Variants in PPTC7 observed in about 807,000 individuals in gnomAD.
PPTC7 encodes protein phosphatase targeting COQ7.
A neutral mutation model predicts 30.8 loss-of-function variants in PPTC7; 6 were observed. That is an observed-to-expected ratio of 0.19 (90% confidence interval 0.11 to 0.38). The LOEUF (loss-of-function observed/expected upper bound fraction) is 0.38. Ranked by LOEUF, PPTC7 falls within the 10% of genes least tolerant of loss-of-function variation. The pLI is 1.00. For synonymous variants in PPTC7, 163 were observed against 168.1 expected, an observed-to-expected ratio of 0.97 and a Z score of 0.23; for missense variants, 218 against 404.8, an observed-to-expected ratio of 0.54 and a Z score of 3.96.
intron 1 of PPTC7, among the ~76,000 whole-genome samples, chr12:110,566,947 C>T (rs2064489209): frequency 6.6e-6 from 1 of 152,178 alleles, no homozygotes; most frequent in African/African-American, 2.4e-5. Flanking sequence ...CTGAAGTAAC[C>T]TTACTTAGCA....
chr12:110,569,804 A>G (rs1047235379), intron 1 of PPTC7, among the ~76,000 whole-genome samples: 1 of 152,222 alleles, frequency 6.6e-6, no homozygotes, highest in African/African-American at 2.4e-5. Flanking sequence ...TGCCACATGT[A>G]TATTTCCAGT....
In PPTC7 at chr12:110,553,131, C is replaced by T. The variant is rs552853742; in HGVS notation, c.224-1163G>A. 4.1e-5 allele frequency among the ~76,000 whole-genome samples: 6 copies of T among 147,344 alleles called. No individual in the cohort carries two copies. The South Asian group carries it at 7.2e-4, about 18-fold the overall frequency. On this transcript the variant is annotated intron_variant, in intron 1 of 5. Coordinates refer to ENST00000354300, the MANE Select transcript of PPTC7 (RefSeq NM_139283.2). The stretch of plus-strand genomic sequence containing the variant: ...CTGGGAAGTGGAGGTTGCGGTGAGC[C>T]GAGATCGCGCCATTGCATCCCACCC...
At chr12:110,579,857 A>G (rs377179317) in intron 1 of PPTC7, among the ~76,000 whole-genome samples, 5 of 152,082 alleles carry the variant, frequency 3.3e-5, no homozygotes, top group Non-Finnish European at 7.4e-5. Context: ...TACTAAAAAT[A>G]CAAAAATTAG....
intron 1 of PPTC7, among the ~76,000 whole-genome samples, chr12:110,559,829 C>T (rs1433618673): frequency 6.6e-6 from 1 of 151,998 alleles, no homozygotes; most frequent in African/African-American, 2.4e-5. Context: ...AACTCCTGAG[C>T]TCAAGAGATT....
chr12:110,556,834 T>C (rs1050331872), intron 1 of PPTC7, among the ~76,000 whole-genome samples: 7 of 152,210 alleles, frequency 4.6e-5, no homozygotes, highest in African/African-American at 1.7e-4. Flanking sequence ...CCATAAACAC[T>C]GCTGCAGGAG....
chr12:110,579,005 C>T (rs2064613602), intron 1 of PPTC7, among the ~76,000 whole-genome samples: 3 of 152,194 alleles, frequency 2.0e-5, no homozygotes, highest in South Asian at 2.1e-4. Context: ...AACAATTAGC[C>T]GGGTGAGGTG....
rs1483768758 is a variant in PPTC7, at chr12:110,582,931, T to TAGTCGC, written c.95_100dup (p.Asp33_Tyr34insCysAsp). The TAGTCGC allele has an allele frequency of 6.5e-7, 1 of 1,546,956 alleles. No individual in the cohort carries two copies. Among genetic ancestry groups the TAGTCGC allele is most frequent in the Non-Finnish European group, 8.7e-7 (1 of 1,145,892 alleles). ...GCCGCAGCCGGCCGTCACCAGTCCG[T>TAGTCGC]AGTCGCCGCCGCCGCCGCCGCCGGC... On this transcript the variant is annotated inframe_insertion, in exon 1 of 6. Coordinates refer to ENST00000354300, the MANE Select transcript of PPTC7 (RefSeq NM_139283.2).
rs2064210154 is a variant in PPTC7, at chr12:110,535,207, CCCACCGCGTCT to C, written c.*1819_*1829del. The C allele has an allele frequency of 6.6e-6, 1 of 152,402 alleles. No homozygotes were observed. Among genetic ancestry groups the C allele is most frequent in the African/African-American group, 2.4e-5 (1 of 41,356 alleles). 9.4% of individuals were successfully genotyped at this position (152,402 alleles called of 1,614,324 possible). On this transcript the variant is annotated 3_prime_UTR_variant, in exon 6 of 6. Coordinates refer to ENST00000354300, the MANE Select transcript of PPTC7 (RefSeq NM_139283.2). ...CTCCGTCCAGACCCCCCACCCCGCC[CCCACCGCGTCT>C]ACCAAAGAATTCTGTTTTGTCAAGT...
intron 4 of PPTC7, 81 bp downstream of exon 4, chr12:110,539,741 G>A: frequency 7.8e-7 from 1 of 1,287,728 alleles, no homozygotes; most frequent in South Asian, 1.4e-5. Flanking sequence ...AAACTACAAA[G>A]AGATAATGCA....
chr12:110,552,470 C>T (rs780727426), intron 1 of PPTC7, among the ~76,000 whole-genome samples: 2 of 152,318 alleles, frequency 1.3e-5, no homozygotes, highest in East Asian at 3.9e-4. Context: ...TCTCCTTCTA[C>T]CCTGTAGAGG....
Position 110,535,397 on chromosome 12 carries a change from A to G in PPTC7, c.*1640T>C. 1 of 152,650 alleles carries G rather than the reference A, an allele frequency of 6.6e-6. No individual in the cohort carries two copies. Among genetic ancestry groups the G allele is most frequent in the South Asian group, 2.1e-4 (1 of 4,834 alleles). The allele number at this position is 152,650 out of a possible 1,614,324, so 9.5% of individuals were successfully genotyped here. On this transcript the variant is annotated 3_prime_UTR_variant, in exon 6 of 6. Coordinates refer to ENST00000354300, the MANE Select transcript of PPTC7 (RefSeq NM_139283.2). ...AAATGAAATGCCTGTTACAAGCATG[A>G]TGCATTGAAATATAGTAATGACATG...
At chr12:110,572,300 C>T (rs779528085) in intron 1 of PPTC7, among the ~76,000 whole-genome samples, 10 of 152,042 alleles carry the variant, frequency 6.6e-5, no homozygotes, top group Non-Finnish European at 1.0e-4. Context: ...AAAAATTAGC[C>T]GGGTGTGGTG....
At chr12:110,558,598 A>G (rs907309749) in intron 1 of PPTC7, among the ~76,000 whole-genome samples, 1 of 152,250 alleles carries the variant, frequency 6.6e-6, no homozygotes, top group Non-Finnish European at 1.5e-5. Context: ...AAGAGACCAT[A>G]GGGCACAGAA....
At position 110,534,772 on chromosome 12, in the gene PPTC7, C is replaced by T. The variant is rs2064206711; in HGVS notation, c.*2265G>A. The T allele has an allele frequency of 6.6e-6, 1 of 152,282 alleles. No homozygotes were observed. The highest frequency in any genetic ancestry group is 2.4e-5 in the African/African-American group (1 of 41,440). 9.4% of individuals were successfully genotyped at this position (152,282 alleles called of 1,614,324 possible). A position where few individuals can be genotyped will look rare whatever the true frequency, so the allele number is the denominator to read the frequency against. On this transcript the variant is annotated 3_prime_UTR_variant, in exon 6 of 6. Transcript: ENST00000354300. ...AAACACATCGTCAATTTCTAACAAT[C>T]GTTTCTCAAAAAGGTAAGCTGAGTA...
intron 1 of PPTC7, among the ~76,000 whole-genome samples, chr12:110,573,881 T>C (rs756907808): frequency 2.6e-5 from 4 of 151,970 alleles, no homozygotes; most frequent in Non-Finnish European, 5.9e-5. Flanking sequence ...CTCGGGAGGC[T>C]GAGGCACGAG....
At chr12:110,579,298 T>C (rs1023460632) in intron 1 of PPTC7, among the ~76,000 whole-genome samples, 1 of 152,210 alleles carries the variant, frequency 6.6e-6, no homozygotes, top group African/African-American at 2.4e-5. Context: ...GAAGAGCTCC[T>C]CCACAACAGG....
chr12:110,576,227 A>T (rs2064587802), intron 1 of PPTC7, among the ~76,000 whole-genome samples: 1 of 152,030 alleles, frequency 6.6e-6, no homozygotes. Flanking sequence ...CTCAGAATTT[A>T]TATATTTGAT....
chr12:110,538,464 G>A (rs775494944), intron 4 of PPTC7, among the ~76,000 whole-genome samples, 191 bp from the exon 5 acceptor site: 2 of 152,174 alleles, frequency 1.3e-5, no homozygotes, highest in Non-Finnish European at 2.9e-5. Flanking sequence ...TGCTTTGGTG[G>A]CCTTAAGCCC....
At chr12:110,568,672 G>A (rs992657791) in intron 1 of PPTC7, among the ~76,000 whole-genome samples, 1 of 152,186 alleles carries the variant, frequency 6.6e-6, no homozygotes, top group East Asian at 1.9e-4. Flanking sequence ...GGGACTAATA[G>A]GAAGCAACCA....
Sources: allele counts gnomAD v4.1 joint callset (sites outside exome capture counted in the v4.1 genomes callset), GRCh38; gene constraint gnomAD v4.1.1; transcripts MANE v1.5; gene names NCBI Gene and HGNC (gene_info 2026-07-23, HGNC 2026-07-21).